Variants in RANGAP1 observed in about 807,000 individuals in gnomAD.
RANGAP1 encodes Ran GTPase activating protein 1, also known as ran GTPase-activating protein 1.
In RANGAP1, 38 loss-of-function variants were observed where a neutral mutation model predicts 63.5. The ratio of observed to expected loss-of-function variants is 0.60; its 90% CI spans 0.46 to 0.78. The LOEUF (loss-of-function observed/expected upper bound fraction) is 0.78, where lower values mean the gene tolerates loss of function less well. Among genes scored for constraint, RANGAP1 ranks in the 30% least tolerant of loss-of-function variants. The pLI, the probability that RANGAP1 is intolerant of heterozygous loss-of-function variation, is 0.00. For missense variants in RANGAP1, 630 were observed against 740.3 expected, an observed-to-expected ratio of 0.85 and a Z score of 1.73; for synonymous variants, 329 against 310.5, an observed-to-expected ratio of 1.06 and a Z score of -0.63.
At chr22:41,289,111 C>T (rs1483781860), upstream of RANGAP1, among the ~76,000 whole-genome samples, 2 of 151,032 alleles carry the variant, frequency 1.3e-5, no homozygotes, top group African/African-American at 2.4e-5. Flanking sequence ...TTAGTAGAGA[C>T]GGTTTCACCA....
intron 3 of RANGAP1, among the ~76,000 whole-genome samples, chr22:41,271,825 G>A (rs1398516009): frequency 6.6e-6 from 1 of 152,200 alleles, no homozygotes. Flanking sequence ...TGCAGCAGCA[G>A]AGAGAACCCC....
chr22:41,260,012 ATTT>A (rs139514), intron 6 of RANGAP1, among the ~76,000 whole-genome samples: 1 of 146,716 alleles, frequency 6.8e-6, no homozygotes, highest in Non-Finnish European at 1.5e-5. Context: ...CCTCAATAAA[ATTT>A]TTTTTTTTTT....
chr22:41,301,752 G>C, the RANGAP1 span: 2 of 152,018 alleles, frequency 1.3e-5, no homozygotes, highest in Non-Finnish European at 2.9e-5. Context: ...GCAGGCCCGC[G>C]GGGAGCGCAG....
the RANGAP1 span, chr22:41,301,707 C>A: frequency 6.6e-6 from 1 of 152,238 alleles, no homozygotes; most frequent in East Asian, 1.9e-4. Flanking sequence ...CGTAATCATA[C>A]CTCTAGTCAT....
chr22:41,254,768 C>T (rs1465526030), intron 10 of RANGAP1: 3 of 415,210 alleles, frequency 7.2e-6, no homozygotes, highest in South Asian at 1.0e-4. Flanking sequence ...GTCAGGAGAT[C>T]GAGACCATCC....
At position 41,251,021 on chromosome 22, in the gene RANGAP1, A is replaced by G; in HGVS notation, c.1469T>C (p.Val490Ala). The change falls in exon 13 of 16, where the codon GTG (valine) becomes GCG (alanine). Residue 490 changes from valine (V) to alanine (A), a missense_variant. Val to Ala is a moderately conservative substitution (Grantham distance 64, BLOSUM62 0). Transcript: ENST00000356244. ...FKDEATVRMA[V>A]QDAVDALMQK... The stretch of plus-strand genomic sequence containing the variant: ...GCCCACATTACCTACTGCATCCTGC[A>G]CTGCCATCCTCACAGTAGCTTCGTC... 1 of 1,614,126 alleles carries G rather than the reference A, an allele frequency of 6.2e-7. No individual in the cohort carries two copies. Among genetic ancestry groups the G allele is most frequent in the Non-Finnish European group, 8.5e-7 (1 of 1,179,988 alleles).
chr22:41,284,556 A>C (rs1785868140), intron 1 of RANGAP1, among the ~76,000 whole-genome samples: 3 of 151,824 alleles, frequency 2.0e-5, no homozygotes, highest in African/African-American at 7.3e-5. Flanking sequence ...AACAAGAGTG[A>C]AACTCCGTCT....
At chr22:41,261,609 A>T (rs1468487123) in intron 5 of RANGAP1, 29 bp from the exon 6 acceptor site, 1 of 1,613,944 alleles carries the variant, frequency 6.2e-7, no homozygotes, top group Admixed American at 1.7e-5. Context: ...GGCCCTGGTC[A>T]TGGGCAGGAG....
chr22:41,274,494 C>T (rs1348320130), intron 3 of RANGAP1, 106 bp downstream of exon 3: 2 of 1,514,828 alleles, frequency 1.3e-6, no homozygotes, highest in Non-Finnish European at 1.8e-6. Context: ...GGGGTACAGC[C>T]ACACAGGCAG....
chr22:41,260,724 G>A (rs961336706), intron 6 of RANGAP1, among the ~76,000 whole-genome samples: 4 of 152,094 alleles, frequency 2.6e-5, no homozygotes, highest in Non-Finnish European at 5.9e-5. Context: ...GCGGGTGCCC[G>A]TAATTCCAGC....
the RANGAP1 span, among the ~76,000 whole-genome samples, chr22:41,292,735 G>T: frequency 6.6e-6 from 1 of 152,038 alleles, no homozygotes; most frequent in Non-Finnish European, 1.5e-5. Context: ...AACAGAGTGA[G>T]ACTCCGTCTC....
rs1435852892 is a variant in RANGAP1 at position 41,245,421 on chromosome 22, G to A, written c.*1182C>T. On this transcript the variant is annotated 3_prime_UTR_variant, in exon 16 of 16. Transcript: ENST00000356244. ...AAGGCAGGGTGCTGGGTGAGGTGTG[G>A]CCAGGCAGGAAAATGGGCCCCCACT... is the stretch of plus-strand genomic sequence containing the variant. Among the ~76,000 whole-genome samples the A allele has an allele frequency of 6.6e-6, 1 of 152,202 alleles. No individual in the cohort carries two copies. The highest frequency in any genetic ancestry group is 2.4e-5 in the African/African-American group (1 of 41,448).
At chr22:41,267,995 G>A in intron 4 of RANGAP1, 102 bp downstream of exon 4, 1 of 1,262,310 alleles carries the variant, frequency 7.9e-7, no homozygotes, top group Non-Finnish European at 1.1e-6. Flanking sequence ...GTCACCCACA[G>A]GGCTAATCTT....
intron 2 of RANGAP1, among the ~76,000 whole-genome samples, chr22:41,279,413 T>A (rs1268594125): frequency 6.6e-6 from 1 of 150,418 alleles, no homozygotes; most frequent in African/African-American, 2.5e-5. Flanking sequence ...GAGCTTACAG[T>A]GAGCCGAGAT....
intron 10 of RANGAP1, 38 bp downstream of exon 10, chr22:41,255,983 C>T: frequency 1.3e-6 from 2 of 1,577,842 alleles, no homozygotes; most frequent in Non-Finnish European, 1.7e-6. Flanking sequence ...AAAGGAATGG[C>T]CTGACCCCGA....
intron 2 of RANGAP1, among the ~76,000 whole-genome samples, chr22:41,275,454 T>G (rs940737139): frequency 6.6e-6 from 1 of 151,286 alleles, no homozygotes; most frequent in African/African-American, 2.4e-5. Context: ...ATCATGTCAC[T>G]GCACTCCAGC....
At chr22:41,281,326 GTCC>G in intron 1 of RANGAP1, 1 of 815,928 alleles carries the variant, frequency 1.2e-6, no homozygotes, top group Non-Finnish European at 1.6e-6. Flanking sequence ...CTCATTACAA[GTCC>G]TCCTCTGCTA....
At chr22:41,290,241 T>C (rs2035824029), upstream of RANGAP1, among the ~76,000 whole-genome samples, 1 of 149,234 alleles carries the variant, frequency 6.7e-6, no homozygotes, top group Non-Finnish European at 1.5e-5. Context: ...TTTTTTTTTT[T>C]TTTTTTGAGA....
intron 2 of RANGAP1, chr22:41,280,653 G>A (rs2035443673): frequency 7.4e-7 from 1 of 1,353,250 alleles, no homozygotes; most frequent in Non-Finnish European, 9.8e-7. Flanking sequence ...TCTTGGGACT[G>A]GCACTAACTG....
Sources: allele counts gnomAD v4.1 joint callset (sites outside exome capture counted in the v4.1 genomes callset), GRCh38; gene constraint gnomAD v4.1.1; transcripts MANE v1.5; gene names NCBI Gene and HGNC (gene_info 2026-07-23, HGNC 2026-07-21).